CDH7: variants seen among roughly 807,000 people sequenced by gnomAD.
The protein encoded by CDH7 is cadherin-7.
CDH7 carries 25 observed loss-of-function variants against 71.8 expected under a neutral mutation model. That is an observed-to-expected ratio of 0.35 (90% CI 0.25 to 0.49). The LOEUF (loss-of-function observed/expected upper bound fraction) is 0.49. Ranked by LOEUF, CDH7 falls within the 20% of genes least tolerant of loss-of-function variation. The pLI is 0.99. For missense variants in CDH7, 862 were observed against 974.6 expected (o/e 0.88, Z 1.54); for synonymous variants, 381 against 363.8 (o/e 1.05, Z -0.54).
chr18:65,849,325 A>G (rs911279807), intron 7 of CDH7, among the ~76,000 whole-genome samples: 2 of 138,850 alleles, frequency 1.4e-5, no homozygotes, highest in Non-Finnish European at 3.1e-5. Flanking sequence ...TGCCTAATTT[A>G]TTTTAGCCTT....
At chr18:65,830,197 G>A (rs1912287256) in intron 6 of CDH7, among the ~76,000 whole-genome samples, 1 of 152,182 alleles carries the variant, frequency 6.6e-6, no homozygotes. Context: ...GGCAACAGAT[G>A]AGGTAATGTA....
chr18:65,822,205 G>A lies in CDH7; in HGVS notation c.750G>A (p.Val250=), dbSNP rs1436021242. The part of the protein sequence containing the change: ...GGLSGTTSVT[V]TLTDVNDNPP... ...TGTCAGGAACTACATCAGTCACTGT[G>A]ACCCTAACTGATGTCAACGATAATC... The change falls in exon 5 of 12, where the codon GTG becomes GTA. Residue 250 remains valine, a synonymous_variant. Coordinates refer to ENST00000397968, the MANE Select transcript of CDH7 (RefSeq NM_004361.5). 6.2e-7 allele frequency: 1 copy of A among 1,613,222 alleles called. No homozygotes were observed. The highest frequency in any genetic ancestry group is 1.3e-5 in the African/African-American group (1 of 74,902).
chr18:65,844,879 G>A (rs184291220), intron 7 of CDH7, among the ~76,000 whole-genome samples: 22 of 151,860 alleles, frequency 1.4e-4, no homozygotes, highest in Admixed American at 1.4e-3. Flanking sequence ...TCAACATAAA[G>A]GTTTGATTTT....
intron 6 of CDH7, among the ~76,000 whole-genome samples, chr18:65,833,813 C>T (rs1215252291): frequency 6.6e-6 from 1 of 152,078 alleles, no homozygotes; most frequent in Non-Finnish European, 1.5e-5. Flanking sequence ...ACATGTTTGA[C>T]CTGATCAAAA....
chr18:65,833,676 A>T (rs1912432221), intron 6 of CDH7, among the ~76,000 whole-genome samples: 1 of 152,192 alleles, frequency 6.6e-6, no homozygotes, highest in Non-Finnish European at 1.5e-5. Flanking sequence ...ATATAGGCTT[A>T]TTATCTGCTT....
intron 11 of CDH7, among the ~76,000 whole-genome samples, chr18:65,872,410 G>A (rs141659775): frequency 1.3e-5 from 2 of 152,224 alleles, no homozygotes; most frequent in African/African-American, 4.8e-5. Context: ...AAGATAAATT[G>A]TTGGCTGGAA....
At chr18:65,845,384 A>C (rs1912901420) in intron 7 of CDH7, among the ~76,000 whole-genome samples, 1 of 152,010 alleles carries the variant, frequency 6.6e-6, no homozygotes, top group Non-Finnish European at 1.5e-5. Context: ...CGAGAGTATA[A>C]TCTGTGCACA....
intron 2 of CDH7, among the ~76,000 whole-genome samples, chr18:65,782,150 CTTTCTTT>C (rs1910321252): frequency 1.9e-5 from 2 of 105,526 alleles, no homozygotes; most frequent in East Asian, 5.0e-4. Flanking sequence ...TTCTTTCTTT[CTTTCTTT>C]CTTTCTTCCT....
chr18:65,784,935 A>C (rs1424715800), intron 2 of CDH7, among the ~76,000 whole-genome samples: 3 of 152,184 alleles, frequency 2.0e-5, no homozygotes, highest in African/African-American at 7.2e-5. Flanking sequence ...AAGCCATTAA[A>C]ACTCCCTTCC....
intron 11 of CDH7, among the ~76,000 whole-genome samples, chr18:65,876,788 T>G (rs1914086139): frequency 6.6e-6 from 1 of 152,244 alleles, no homozygotes; most frequent in Non-Finnish European, 1.5e-5. Flanking sequence ...GTTATATGTC[T>G]GCTTCTATGT....
At chr18:65,838,041 C>T (rs906173419) in intron 6 of CDH7, among the ~76,000 whole-genome samples, 2 of 151,318 alleles carry the variant, frequency 1.3e-5, no homozygotes, top group African/African-American at 4.9e-5. Flanking sequence ...TCTCCTGCCT[C>T]AGCCTCTCCA....
intron 2 of CDH7, among the ~76,000 whole-genome samples, chr18:65,785,966 G>T (rs1304420132): frequency 6.6e-6 from 1 of 152,146 alleles, no homozygotes; most frequent in Non-Finnish European, 1.5e-5. Context: ...AAATACATGT[G>T]GTGTTGATTG....
chr18:65,785,366 G>A (rs907094056), intron 2 of CDH7, among the ~76,000 whole-genome samples: 47 of 152,172 alleles, frequency 3.1e-4, no homozygotes, highest in Middle Eastern at 3.4e-3. Context: ...ATAAGGTTAT[G>A]TACAACATTA....
chr18:65,868,888 T>C (rs1913843901), intron 11 of CDH7, among the ~76,000 whole-genome samples: 1 of 152,182 alleles, frequency 6.6e-6, no homozygotes, highest in African/African-American at 2.4e-5. Flanking sequence ...TTAGTTAAAC[T>C]TTTCCCTTTC....
In CDH7 at chr18:65,887,393, T is replaced by A. The variant is rs1480436760; in HGVS notation, c.*6499T>A. 4 of 151,552 alleles carry A rather than the reference T, an allele frequency of 2.6e-5. 1 individual carries two copies. The highest frequency in any genetic ancestry group is 9.7e-5 in the African/African-American group (4 of 41,252). The allele number at this position is 151,552 out of a possible 1,614,324, so 9.4% of individuals were successfully genotyped here. A position where few individuals can be genotyped will look rare whatever the true frequency, so the allele number is the denominator to read the frequency against. ...AACTCGTCATTTAGCATTAGGTATA[T>A]CTCCTAATTCTATCCCTCCCCCCTC... On this transcript the variant is annotated 3_prime_UTR_variant, in exon 12 of 12. Transcript: ENST00000397968.
intron 1 of CDH7, among the ~76,000 whole-genome samples, 153 bp from the exon 2 acceptor site, chr18:65,762,490 GTATA>G (rs1272651068): frequency 6.6e-6 from 1 of 151,938 alleles, no homozygotes; most frequent in Non-Finnish European, 1.5e-5. Flanking sequence ...AATTTTCTAA[GTATA>G]TAATTAATAT....
At chr18:65,820,180 T>A (rs969296103) in intron 4 of CDH7, among the ~76,000 whole-genome samples, 92 of 150,242 alleles carry the variant, frequency 6.1e-4, no homozygotes, top group African/African-American at 2.0e-3. Flanking sequence ...AATGAAAAGT[T>A]CTGAGTTATG....
At chr18:65,799,823 A>G (rs1248328142) in intron 2 of CDH7, among the ~76,000 whole-genome samples, 1 of 152,174 alleles carries the variant, frequency 6.6e-6, no homozygotes, top group African/African-American at 2.4e-5. Context: ...AACATGAACT[A>G]TGGCAAAAAG....
intron 2 of CDH7, among the ~76,000 whole-genome samples, chr18:65,797,517 T>C (rs953756859): frequency 1.3e-5 from 2 of 152,142 alleles, no homozygotes; most frequent in African/African-American, 2.4e-5. Context: ...CTAAATAATA[T>C]TTTGCTTAGA....
Sources: allele counts gnomAD v4.1 joint callset (sites outside exome capture counted in the v4.1 genomes callset), GRCh38; gene constraint gnomAD v4.1.1; transcripts MANE v1.5; gene names NCBI Gene and HGNC (gene_info 2026-07-23, HGNC 2026-07-21).